The following EXT1 variants were observed in gnomAD, a reference collection of about 807,000 sequenced individuals.
EXT1 encodes the protein exostosin-1.
EXT1 carries 20 observed loss-of-function variants against 82.5 expected under a neutral mutation model. That is an observed-to-expected ratio of 0.24 (90% CI 0.17 to 0.35). The LOEUF (loss-of-function observed/expected upper bound fraction) is 0.35. Among genes scored for constraint, EXT1 ranks in the 10% least tolerant of loss-of-function variants. The pLI is 1.00. For synonymous variants in EXT1, 348 were observed against 350.8 expected (o/e 0.99, Z 0.09); for missense variants, 757 against 936.5 (o/e 0.81, Z 2.50).
chr8:117,898,978 A>G (rs1184466897), intron 1 of EXT1, among the ~76,000 whole-genome samples: 1 of 151,852 alleles, frequency 6.6e-6, no homozygotes, highest in Non-Finnish European at 1.5e-5. Context: ...TACCCTCTAA[A>G]TCTGAAGCTG....
chr8:117,836,572 G>A (rs1812191746), intron 2 of EXT1, among the ~76,000 whole-genome samples: 1 of 152,166 alleles, frequency 6.6e-6, no homozygotes, highest in African/African-American at 2.4e-5. Context: ...TGTCTCAAGA[G>A]GACATTTCTG....
chr8:117,973,726 C>T (rs904172544), intron 1 of EXT1, among the ~76,000 whole-genome samples: 2 of 151,212 alleles, frequency 1.3e-5, no homozygotes, highest in African/African-American at 4.9e-5. Context: ...CGTAATCACG[C>T]CACTGCACTC....
At chr8:118,079,952 G>A (rs1045933935) in intron 1 of EXT1, among the ~76,000 whole-genome samples, 8 of 152,198 alleles carry the variant, frequency 5.3e-5, no homozygotes, top group African/African-American at 1.9e-4. Context: ...TATAAACTCA[G>A]GGAAGCCAGA....
intron 1 of EXT1, among the ~76,000 whole-genome samples, chr8:118,076,288 G>A (rs944428241): frequency 6.6e-6 from 1 of 152,170 alleles, no homozygotes; most frequent in Non-Finnish European, 1.5e-5. Context: ...GTAGGAAAAG[G>A]GGATTGTGTC....
chr8:117,939,551 A>G (rs1379638454), intron 1 of EXT1, among the ~76,000 whole-genome samples: 3 of 150,784 alleles, frequency 2.0e-5, no homozygotes, highest in Non-Finnish European at 3.0e-5. Flanking sequence ...CCTGGGCAAC[A>G]AGAGTGAAAC....
intron 1 of EXT1, among the ~76,000 whole-genome samples, chr8:117,966,989 C>T (rs941755859): frequency 2.0e-5 from 3 of 152,230 alleles, no homozygotes; most frequent in Non-Finnish European, 4.4e-5. Context: ...ATCCTAATGG[C>T]CCTAAGTACG....
chr8:118,052,467 C>A (rs765201764), intron 1 of EXT1, among the ~76,000 whole-genome samples: 2 of 152,122 alleles, frequency 1.3e-5, no homozygotes, highest in Non-Finnish European at 2.9e-5. Context: ...AACAGCAGTA[C>A]ATTTAACAAG....
intron 1 of EXT1, among the ~76,000 whole-genome samples, chr8:117,838,178 AGCC>A (rs1251018979): frequency 6.6e-6 from 1 of 152,172 alleles, no homozygotes; most frequent in African/African-American, 2.4e-5. Context: ...CGATTCTTAG[AGCC>A]AAGATGAAAT....
chr8:117,843,067 C>T (rs1812297901), intron 1 of EXT1, among the ~76,000 whole-genome samples: 1 of 152,114 alleles, frequency 6.6e-6, no homozygotes, highest in Non-Finnish European at 1.5e-5. Context: ...AGTAATTAAT[C>T]TTTCCTTATA....
chr8:118,092,663 T>TC (rs1586268948), intron 1 of EXT1, among the ~76,000 whole-genome samples: 1 of 152,290 alleles, frequency 6.6e-6, no homozygotes, highest in East Asian at 1.9e-4. Context: ...AGGGGGACTT[T>TC]CGAAAGTCCC....
At chr8:117,810,375 G>C (rs1823300173) in intron 8 of EXT1, among the ~76,000 whole-genome samples, 1 of 152,174 alleles carries the variant, frequency 6.6e-6, no homozygotes, top group Non-Finnish European at 1.5e-5. Context: ...CCACTGATCA[G>C]CAGGCAAAAG....
rs113540172 is a variant in EXT1, at chr8:117,796,994, C to G, written c.*2718G>C. On this transcript the variant is annotated 3_prime_UTR_variant, in exon 11 of 11. Coordinates refer to ENST00000378204, the MANE Select transcript of EXT1 (RefSeq NM_000127.3). The stretch of plus-strand genomic sequence containing the variant: ...TGGAATTTCTGCAAGCAATTCATTA[C>G]GTGGTTGGCACTGTACTCTCAGCCC... 6.6e-6 allele frequency: 1 copy of G among 152,212 alleles called. No homozygotes were observed. Among genetic ancestry groups the G allele is most frequent in the Non-Finnish European group, 1.5e-5 (1 of 68,050 alleles). The allele number at this position is 152,212 out of a possible 1,614,324, so 9.4% of individuals were successfully genotyped here. A position where few individuals can be genotyped will look rare whatever the true frequency, so the allele number is the denominator to read the frequency against.
rs563623931 is a variant in EXT1, at chr8:118,096,557, C to T, written c.962+13528G>A. The stretch of plus-strand genomic sequence containing the variant: ...GGAAGGTTACAGTGAGCCGAGATCA[C>T]GCCACTGCGGCCTGGCGACAGAGCA... On this transcript the variant is annotated intron_variant, in intron 1 of 10. Transcript: ENST00000378204. Among the ~76,000 whole-genome samples, 6 of 150,290 alleles carry T rather than the reference C, an allele frequency of 4.0e-5. No homozygotes were observed. The South Asian group carries it at 6.3e-4, about 16-fold the overall frequency.
chr8:117,872,172 G>A (rs1216294754), intron 1 of EXT1, among the ~76,000 whole-genome samples: 4 of 142,108 alleles, frequency 2.8e-5, no homozygotes. Context: ...GGGAGGGAGG[G>A]AGGGAGGGAA....
intron 1 of EXT1, among the ~76,000 whole-genome samples, chr8:118,021,720 T>C (rs1172404800): frequency 6.6e-6 from 1 of 152,190 alleles, no homozygotes; most frequent in African/African-American, 2.4e-5. Flanking sequence ...GAAGCTATCA[T>C]TGGGTTTTGC....
At chr8:117,824,979 G>A (rs190906542) in intron 4 of EXT1, among the ~76,000 whole-genome samples, 7 of 152,106 alleles carry the variant, frequency 4.6e-5, no homozygotes, top group Middle Eastern at 6.8e-3. Flanking sequence ...GGATACTCCC[G>A]CCTCAGCCTC....
intron 1 of EXT1, among the ~76,000 whole-genome samples, chr8:118,052,659 A>G (rs547349715): frequency 1.3e-5 from 2 of 152,370 alleles, no homozygotes; most frequent in East Asian, 3.9e-4. Context: ...CCTCTCCAAA[A>G]GAAGTACTAG....
chr8:117,818,372 G>T, intron 7 of EXT1, 63 bp downstream of exon 7: 1 of 1,339,456 alleles, frequency 7.5e-7, no homozygotes. Flanking sequence ...AAGACCCAAA[G>T]TGCCCCATGG....
intron 1 of EXT1, among the ~76,000 whole-genome samples, chr8:117,851,261 C>T (rs4270997): frequency 0.22 from 33,417 of 151,130 alleles, 3,792 homozygotes; most frequent in African/African-American, 0.27. Context: ...AGGGGCAGAA[C>T]CAAGATAAAA....
Sources: gnomAD v4.1 joint callset for allele counts (sites outside exome capture counted in the v4.1 genomes callset) on GRCh38, gnomAD v4.1.1 for gene constraint, MANE v1.5 for transcripts, NCBI Gene and HGNC (gene_info 2026-07-23, HGNC 2026-07-21) for gene names.